The following KCNB2 variants were observed in gnomAD, a reference collection of about 807,000 sequenced individuals.
The protein encoded by KCNB2 is delayed rectifier potassium channel protein.
Under a neutral mutation model 61.5 loss-of-function variants are expected in KCNB2, and 15 were observed. The observed-to-expected ratio is 0.24, with a 90% CI of 0.16 to 0.38. The LOEUF is 0.38. KCNB2 is among the 10% of genes least tolerant of loss of function. The probability of loss-of-function intolerance (pLI) is 1.00; values close to 1 mark genes in which losing one functional copy is unlikely to be tolerated. For missense variants in KCNB2, 828 were observed against 1,125.2 expected, an observed-to-expected ratio of 0.74 and a Z score of 3.78; for synonymous variants, 457 against 446.0, an observed-to-expected ratio of 1.02 and a Z score of -0.31.
intron 2 of KCNB2, among the ~76,000 whole-genome samples, chr8:72,690,906 A>G (rs1427313039): frequency 6.6e-6 from 1 of 152,144 alleles, no homozygotes; most frequent in Non-Finnish European, 1.5e-5. Flanking sequence ...CTCTGGCTCC[A>G]TGTTCCTGAA....
At chr8:72,724,170 G>A (rs372929466) in intron 2 of KCNB2, among the ~76,000 whole-genome samples, 2 of 152,110 alleles carry the variant, frequency 1.3e-5, no homozygotes, top group South Asian at 2.1e-4. Flanking sequence ...GCGGTATTTC[G>A]TCTTCCTTGA....
chr8:72,935,208 C>T (rs1221024905), intron 2 of KCNB2, among the ~76,000 whole-genome samples: 1 of 152,186 alleles, frequency 6.6e-6, no homozygotes, highest in African/African-American at 2.4e-5. Context: ...TAAGCTGTTC[C>T]TCTTTCCTTC....
chr8:72,553,072 A>T (rs925495651), intron 1 of KCNB2, among the ~76,000 whole-genome samples: 34 of 151,970 alleles, frequency 2.2e-4, no homozygotes, highest in Non-Finnish European at 4.4e-4. Context: ...AAAAAAATTT[A>T]AAAAAAACAC....
intron 2 of KCNB2, among the ~76,000 whole-genome samples, chr8:72,788,490 G>A (rs1035042909): frequency 2.6e-5 from 4 of 152,042 alleles, no homozygotes; most frequent in African/African-American, 7.2e-5. Flanking sequence ...CCCCCTGAAA[G>A]GCCATTTTTC....
intron 2 of KCNB2, among the ~76,000 whole-genome samples, chr8:72,733,739 C>T (rs1171890989): frequency 6.6e-6 from 1 of 152,032 alleles, no homozygotes. Context: ...CTGATCACCC[C>T]AAGCTGCAGT....
Position 72,938,128 on chromosome 8 carries a change from C to A in KCNB2, c.*37C>A, listed in dbSNP as rs1236179042. 14 of 1,486,056 alleles carry A rather than the reference C, an allele frequency of 9.4e-6. No homozygotes were observed. The Admixed American group carries it at 2.7e-4, about 29-fold the overall frequency. 92.1% of individuals were successfully genotyped at this position (1,486,056 alleles called of 1,614,324 possible). Reference sequence around the variant, plus strand: ...AGCAATAAATTGAAACAAAACAAAACAAAACAAAACTTGTTTCTTAAAAAT... The same window carrying A: ...AGCAATAAATTGAAACAAAACAAAAAAAAACAAAACTTGTTTCTTAAAAAT... On this transcript the variant is annotated 3_prime_UTR_variant, in exon 3 of 3. Transcript: ENST00000523207.
chr8:72,614,643 T>C (rs773758383), intron 2 of KCNB2, among the ~76,000 whole-genome samples: 13 of 152,342 alleles, frequency 8.5e-5, no homozygotes, highest in Non-Finnish European at 1.6e-4. Flanking sequence ...CCTGCTCTTA[T>C]AGGACTTTTC....
chr8:72,602,365 G>T (rs1458452359), intron 2 of KCNB2, among the ~76,000 whole-genome samples: 1 of 152,082 alleles, frequency 6.6e-6, no homozygotes, highest in Non-Finnish European at 1.5e-5. Context: ...TGCTGCAGAT[G>T]CTACTGAATC....
At chr8:72,681,648 G>T (rs1806758084) in intron 2 of KCNB2, among the ~76,000 whole-genome samples, 1 of 152,056 alleles carries the variant, frequency 6.6e-6, no homozygotes, top group African/African-American at 2.4e-5. Flanking sequence ...ACATAAACCG[G>T]TAACATAGTC....
chr8:72,907,394 TCACA>T (rs1346214268), intron 2 of KCNB2, among the ~76,000 whole-genome samples: 6 of 151,028 alleles, frequency 4.0e-5, no homozygotes, highest in Non-Finnish European at 8.9e-5. Context: ...AAAACCACAC[TCACA>T]CGCACACACA....
intron 2 of KCNB2, among the ~76,000 whole-genome samples, chr8:72,731,452 G>A (rs928926800): frequency 3.9e-5 from 6 of 152,320 alleles, no homozygotes; most frequent in African/African-American, 1.4e-4. Context: ...TCTGCCAAGA[G>A]AGTTTGCCCA....
rs142304537 is a variant in KCNB2, at chr8:72,787,777, T to C, written c.580-148158T>C. Among the ~76,000 whole-genome samples the C allele has an allele frequency of 6.7e-4, 102 of 152,316 alleles. 1 individual carries two copies. Among genetic ancestry groups the C allele is most frequent in the African/African-American group, 2.3e-3 (97 of 41,576 alleles). On this transcript the variant is annotated intron_variant, in intron 2 of 2. Transcript: ENST00000523207. ...AAAATATTGGCAAATGAATGTCTTT[T>C]ATGCATTTTACATTAAAATGACATT...
chr8:72,651,224 T>C (rs1167334574), intron 2 of KCNB2, among the ~76,000 whole-genome samples: 1 of 152,170 alleles, frequency 6.6e-6, no homozygotes, highest in Non-Finnish European at 1.5e-5. Context: ...TTTCATTTTC[T>C]ACAAGCCTTA....
At chr8:72,642,192 C>T (rs1319431753) in intron 2 of KCNB2, among the ~76,000 whole-genome samples, 1 of 151,994 alleles carries the variant, frequency 6.6e-6, no homozygotes, top group East Asian at 1.9e-4. Flanking sequence ...GAATACACAG[C>T]TGATTTTAGA....
intron 2 of KCNB2, among the ~76,000 whole-genome samples, chr8:72,853,908 C>A (rs1026889495): frequency 1.3e-5 from 2 of 152,168 alleles, no homozygotes; most frequent in Non-Finnish European, 2.9e-5. Context: ...TTTTTCCATA[C>A]AAGTAGATAG....
intron 2 of KCNB2, among the ~76,000 whole-genome samples, chr8:72,815,802 A>G (rs756815957): frequency 9.2e-5 from 14 of 152,164 alleles, no homozygotes; most frequent in Admixed American, 7.2e-4. Context: ...TCCTTGAGGA[A>G]GGTCAGGAGA....
At chr8:72,797,438 C>T (rs188353380) in intron 2 of KCNB2, among the ~76,000 whole-genome samples, 22 of 152,240 alleles carry the variant, frequency 1.4e-4, no homozygotes, top group African/African-American at 3.9e-4. Context: ...AAATTAACAG[C>T]GGAACACCTC....
chr8:72,782,168 A>G (rs1331451288), intron 2 of KCNB2, among the ~76,000 whole-genome samples: 1 of 152,136 alleles, frequency 6.6e-6, no homozygotes, highest in African/African-American at 2.4e-5. Context: ...TCCAAACAGC[A>G]TGTTGGTGTG....
At chr8:72,820,582 T>C (rs1585911604) in intron 2 of KCNB2, among the ~76,000 whole-genome samples, 1 of 152,086 alleles carries the variant, frequency 6.6e-6, no homozygotes, top group Non-Finnish European at 1.5e-5. Flanking sequence ...CCTATGACTT[T>C]TTTTTTTGCT....
Sources: gnomAD v4.1 joint callset for allele counts (sites outside exome capture counted in the v4.1 genomes callset) on GRCh38, gnomAD v4.1.1 for gene constraint, MANE v1.5 for transcripts, NCBI Gene and HGNC (gene_info 2026-07-23, HGNC 2026-07-21) for gene names.